RPS6KC1: variants seen among roughly 807,000 people sequenced by gnomAD.
The protein encoded by RPS6KC1 is ribosomal protein S6 kinase C1.
RPS6KC1 carries 54 observed loss-of-function variants against 103.8 expected under a neutral mutation model. The observed-to-expected ratio is 0.52, with a 90% confidence interval of 0.42 to 0.65. The LOEUF (loss-of-function observed/expected upper bound fraction) is 0.65, where lower values mean the gene tolerates loss of function less well. RPS6KC1 is among the 30% of genes least tolerant of loss of function. The probability of loss-of-function intolerance (pLI) is 0.00; values close to 1 mark genes in which losing one functional copy is unlikely to be tolerated. For missense variants in RPS6KC1, 1,151 were observed against 1,253.8 expected (o/e 0.92, Z 1.24); for synonymous variants, 439 against 438.7 (o/e 1.00, Z -0.01).
At chr1:213,121,483 G>T (rs553687116) in intron 5 of RPS6KC1, among the ~76,000 whole-genome samples, 1 of 152,168 alleles carries the variant, frequency 6.6e-6, no homozygotes, top group Non-Finnish European at 1.5e-5. Flanking sequence ...GAAAGAAGAT[G>T]TAATTGGTTG....
chr1:213,397,582 A>AACAC, the RPS6KC1 span, among the ~76,000 whole-genome samples: 13 of 89,132 alleles, frequency 1.5e-4, no homozygotes, highest in African/African-American at 4.5e-4. Context: ...AAGAGTCAGG[A>AACAC]ACACATACAC....
At chr1:213,299,029 G>C in the RPS6KC1 span, among the ~76,000 whole-genome samples, 1 of 152,274 alleles carries the variant, frequency 6.6e-6, no homozygotes, top group East Asian at 1.9e-4. Flanking sequence ...TCTGGTGTTT[G>C]GTTTGGACAA....
intron 8 of RPS6KC1, among the ~76,000 whole-genome samples, chr1:213,202,062 C>T (rs1437636989): frequency 6.6e-6 from 1 of 152,074 alleles, no homozygotes; most frequent in Non-Finnish European, 1.5e-5. Flanking sequence ...AGACAGTTTG[C>T]AGATAAAAAA....
the RPS6KC1 span, among the ~76,000 whole-genome samples, chr1:213,445,651 G>A: frequency 6.6e-6 from 1 of 152,176 alleles, no homozygotes; most frequent in Non-Finnish European, 1.5e-5. Flanking sequence ...GAACAGACTA[G>A]CCTGTGCTTT....
the RPS6KC1 span, among the ~76,000 whole-genome samples, chr1:213,441,743 A>G: frequency 6.6e-6 from 1 of 152,220 alleles, no homozygotes; most frequent in Non-Finnish European, 1.5e-5. Flanking sequence ...AATCTCACAC[A>G]AGAGGAATAT....
At chr1:213,479,190 G>A in the RPS6KC1 span, among the ~76,000 whole-genome samples, 4 of 151,870 alleles carry the variant, frequency 2.6e-5, no homozygotes, top group African/African-American at 9.7e-5. Context: ...ACTTATTAAC[G>A]AAGCTTCAGT....
At chr1:213,854,252 CTG>C in the RPS6KC1 span, among the ~76,000 whole-genome samples, 1 of 152,202 alleles carries the variant, frequency 6.6e-6, no homozygotes, top group African/African-American at 2.4e-5. Flanking sequence ...ATCTCTGAGA[CTG>C]TAGCAGTCGA....
chr1:213,545,427 AAAT>A, the RPS6KC1 span, among the ~76,000 whole-genome samples: 172 of 65,062 alleles, frequency 2.6e-3, 1 homozygote, highest in Middle Eastern at 7.9e-3. Context: ...AAATAAAATA[AAAT>A]AAAAGAGAGA....
the RPS6KC1 span, among the ~76,000 whole-genome samples, chr1:213,360,064 T>C: frequency 1.3e-5 from 2 of 152,352 alleles, no homozygotes; most frequent in Non-Finnish European, 2.9e-5. Flanking sequence ...GGAGTATCTT[T>C]GTGGCGTTCT....
chr1:213,370,985 CTT>C, the RPS6KC1 span, among the ~76,000 whole-genome samples: 2 of 152,288 alleles, frequency 1.3e-5, no homozygotes, highest in African/African-American at 4.8e-5. Context: ...ACATTGATCT[CTT>C]TAACTGTTTT....
the RPS6KC1 span, among the ~76,000 whole-genome samples, chr1:213,858,969 A>G: frequency 2.6e-5 from 4 of 152,216 alleles, no homozygotes. Context: ...TCTCTGATCT[A>G]TGCAGGCTGG....
chr1:213,663,093 T>C, the RPS6KC1 span, among the ~76,000 whole-genome samples: 4,801 of 152,348 alleles, frequency 0.032, 247 homozygotes, highest in African/African-American at 0.11. Context: ...GTTGCCCCAT[T>C]TGTAAACTAT....
intron 8 of RPS6KC1, among the ~76,000 whole-genome samples, chr1:213,187,779 T>C (rs2092593538): frequency 6.6e-6 from 1 of 152,108 alleles, no homozygotes; most frequent in African/African-American, 2.4e-5. Flanking sequence ...CATTGAAGGA[T>C]AGTTATTAAT....
At chr1:213,501,265 C>CAACTT in the RPS6KC1 span, among the ~76,000 whole-genome samples, 335 of 152,184 alleles carry the variant, frequency 2.2e-3, 2 homozygotes, top group South Asian at 9.3e-3. Flanking sequence ...GAATGAATGA[C>CAACTT]AAGTCATTTT....
chr1:213,066,606 C>A (rs1174602882), intron 1 of RPS6KC1, among the ~76,000 whole-genome samples: 2 of 152,220 alleles, frequency 1.3e-5, no homozygotes, highest in Non-Finnish European at 2.9e-5. Flanking sequence ...AGAAAGCAAT[C>A]TCTGAGACAA....
chr1:213,275,868 C>T (rs1316628312), downstream of RPS6KC1, among the ~76,000 whole-genome samples: 1 of 152,220 alleles, frequency 6.6e-6, no homozygotes, highest in Admixed American at 6.5e-5. Flanking sequence ...CTCCCCTTAC[C>T]TCATTCTCCC....
chr1:213,113,316 A>G (rs2083226332), intron 4 of RPS6KC1, among the ~76,000 whole-genome samples: 1 of 152,104 alleles, frequency 6.6e-6, no homozygotes. Flanking sequence ...ATGGCCAGTG[A>G]TGGTGAGCAT....
At chr1:213,451,111 C>A in the RPS6KC1 span, among the ~76,000 whole-genome samples, 1 of 152,208 alleles carries the variant, frequency 6.6e-6, no homozygotes, top group African/African-American at 2.4e-5. Context: ...TCTAACCCCC[C>A]ATTCTGATTC....
the RPS6KC1 span, among the ~76,000 whole-genome samples, chr1:213,524,333 A>G: frequency 1.3e-5 from 2 of 151,680 alleles, no homozygotes; most frequent in Non-Finnish European, 2.9e-5. Context: ...CAGGCAGCTC[A>G]GTGGTGCTCT....
Sources: allele counts gnomAD v4.1 joint callset (sites outside exome capture counted in the v4.1 genomes callset), GRCh38; gene constraint gnomAD v4.1.1; transcripts MANE v1.5; gene names NCBI Gene and HGNC (gene_info 2026-07-23, HGNC 2026-07-21).